The following ALCAM variants were observed in gnomAD, a reference collection of about 807,000 sequenced individuals.
ALCAM encodes the protein CD166 antigen.
In ALCAM, 30 loss-of-function variants were observed where a neutral mutation model predicts 70.9. That is an observed-to-expected ratio of 0.42 (90% confidence interval 0.32 to 0.57). ALCAM has a LOEUF of 0.57. ALCAM is among the 20% of genes least tolerant of loss of function. The probability of loss-of-function intolerance (pLI) is 0.11; values close to 1 mark genes in which losing one functional copy is unlikely to be tolerated. For synonymous variants in ALCAM, 249 were observed against 242.5 expected, an observed-to-expected ratio of 1.03 and a Z score of -0.25; for missense variants, 591 against 695.1, an observed-to-expected ratio of 0.85 and a Z score of 1.68.
intron 1 of ALCAM, among the ~76,000 whole-genome samples, chr3:105,382,174 G>A (rs1188375835): frequency 1.4e-5 from 2 of 146,376 alleles, no homozygotes; most frequent in African/African-American, 5.1e-5. Context: ...CCATCTATGA[G>A]TGAGAACATG....
intron 1 of ALCAM, among the ~76,000 whole-genome samples, chr3:105,390,446 T>G (rs181411838): frequency 6.6e-6 from 1 of 151,928 alleles, no homozygotes; most frequent in Non-Finnish European, 1.5e-5. Flanking sequence ...AATGGGGTTG[T>G]TGGGTTTTTT....
At chr3:105,413,946 T>G (rs1936448603) in intron 1 of ALCAM, among the ~76,000 whole-genome samples, 1 of 152,128 alleles carries the variant, frequency 6.6e-6, no homozygotes, top group African/African-American at 2.4e-5. Context: ...TTTAGCAAAT[T>G]TAATGCCTAC....
intron 1 of ALCAM, among the ~76,000 whole-genome samples, chr3:105,449,748 T>C (rs914831502): frequency 6.6e-6 from 1 of 152,172 alleles, no homozygotes; most frequent in African/African-American, 2.4e-5. Flanking sequence ...CTTTATTAGG[T>C]TAATCAAACC....
At chr3:105,545,142 C>G (rs1039145383) in intron 8 of ALCAM, 81 bp from the exon 9 acceptor site, 3 of 934,150 alleles carry the variant, frequency 3.2e-6, no homozygotes, top group Admixed American at 3.5e-5. Flanking sequence ...AATTTATTTT[C>G]TTTCATCTTT....
At chr3:105,405,520 C>T (rs919070508) in intron 1 of ALCAM, among the ~76,000 whole-genome samples, 15 of 152,192 alleles carry the variant, frequency 9.9e-5, no homozygotes, top group African/African-American at 3.6e-4. Context: ...AACAAAGACA[C>T]AATGGACTTA....
intron 2 of ALCAM, among the ~76,000 whole-genome samples, chr3:105,522,935 C>T (rs1247052092): frequency 2.0e-5 from 3 of 151,938 alleles, no homozygotes; most frequent in Non-Finnish European, 4.4e-5. Context: ...GTCAGGAGAT[C>T]GAGACTATCC....
At position 105,454,653 on chromosome 3, in the gene ALCAM, A is replaced by ATTTTTTTTTTTTTTT. The variant is rs59389132; in HGVS notation, c.74-65394_74-65380dup. On this transcript the variant is annotated intron_variant, in intron 1 of 15. Transcript: ENST00000306107. ...ATTGGCACATAGTAGATGCTCATTA[A>ATTTTTTTTTTTTTTT]TTTTTTTTTTTTTTTTTTTTTTTTT... Among the ~76,000 whole-genome samples the ATTTTTTTTTTTTTTT allele has an allele frequency of 2.6e-4, 16 of 61,790 alleles. 2 individuals carry two copies. The highest frequency in any genetic ancestry group is 6.0e-4 in the East Asian group (1 of 1,668). 40.5% of individuals were successfully genotyped at this position (61,790 alleles called of 152,430 possible). A position where few individuals can be genotyped will look rare whatever the true frequency, so the allele number is the denominator to read the frequency against.
intron 14 of ALCAM, among the ~76,000 whole-genome samples, chr3:105,566,578 A>C (rs1940747725): frequency 6.6e-6 from 1 of 152,044 alleles, no homozygotes; most frequent in African/African-American, 2.4e-5. Flanking sequence ...TAATACCTCT[A>C]CTGGCCTTTT....
intron 2 of ALCAM, among the ~76,000 whole-genome samples, chr3:105,521,996 G>A (rs185632665): frequency 1.2e-4 from 18 of 152,290 alleles, no homozygotes; most frequent in Admixed American, 3.9e-4. Context: ...CAATGCACTT[G>A]TTCAATCAAA....
intron 1 of ALCAM, among the ~76,000 whole-genome samples, chr3:105,371,517 C>CTTTTTTTTTTTTTTTTTTT (rs35522913): frequency 7.0e-6 from 1 of 142,572 alleles, no homozygotes; most frequent in Non-Finnish European, 1.5e-5. Flanking sequence ...AAAGATGTTT[C>CTTTTTTTTTTTTTTTTTTT]TTTTTTTTTT....
chr3:105,491,948 C>T (rs1576198870), intron 1 of ALCAM, among the ~76,000 whole-genome samples: 1 of 152,180 alleles, frequency 6.6e-6, no homozygotes, highest in Non-Finnish European at 1.5e-5. Context: ...CAGCAGCGCC[C>T]CACTACCCGG....
intron 3 of ALCAM, among the ~76,000 whole-genome samples, chr3:105,530,949 C>T (rs997902294): frequency 9.2e-5 from 14 of 151,778 alleles, no homozygotes; most frequent in African/African-American, 3.4e-4. Flanking sequence ...TATACAAAAG[C>T]CAATTTAGTT....
chr3:105,531,212 A>G (rs1004118458), intron 3 of ALCAM: 1 of 152,086 alleles, frequency 6.6e-6, no homozygotes, highest in Non-Finnish European at 1.5e-5. Flanking sequence ...ATCAGTTTAA[A>G]TAATAAATTG....
chr3:105,406,671 C>T (rs985266466), intron 1 of ALCAM, among the ~76,000 whole-genome samples: 1 of 149,924 alleles, frequency 6.7e-6, no homozygotes, highest in Admixed American at 6.6e-5. Context: ...CAAACTCAGC[C>T]GAAGAAAAGA....
At chr3:105,529,795 T>A (rs975412984) in intron 3 of ALCAM, among the ~76,000 whole-genome samples, 3 of 151,950 alleles carry the variant, frequency 2.0e-5, no homozygotes, top group Non-Finnish European at 2.9e-5. Context: ...ATACAAAGTG[T>A]TTATGATTAT....
intron 14 of ALCAM, 114 bp downstream of exon 14, chr3:105,552,699 T>G (rs1576238375): frequency 1.3e-6 from 2 of 1,558,616 alleles, no homozygotes; most frequent in South Asian, 2.4e-5. Context: ...AAGGAAGATG[T>G]ATCCCCAAAT....
intron 1 of ALCAM, among the ~76,000 whole-genome samples, chr3:105,442,673 C>T (rs893392022): frequency 4.0e-5 from 6 of 151,316 alleles, no homozygotes; most frequent in Admixed American, 3.3e-4. Context: ...CCCAGCTACT[C>T]GGGAGGCTGA....
chr3:105,528,311 T>C (rs1004210403), intron 3 of ALCAM, among the ~76,000 whole-genome samples: 2 of 152,186 alleles, frequency 1.3e-5, no homozygotes, highest in African/African-American at 4.8e-5. Context: ...CTAATGTTCA[T>C]AGCTCTTACT....
chr3:105,390,101 C>T (rs1935775762), intron 1 of ALCAM, among the ~76,000 whole-genome samples: 1 of 151,842 alleles, frequency 6.6e-6, no homozygotes, highest in African/African-American at 2.4e-5. Flanking sequence ...GGGTGTATAC[C>T]CAGTAATGGG....
Sources: gnomAD v4.1 joint callset for allele counts (sites outside exome capture counted in the v4.1 genomes callset) on GRCh38, gnomAD v4.1.1 for gene constraint, MANE v1.5 for transcripts, NCBI Gene and HGNC (gene_info 2026-07-23, HGNC 2026-07-21) for gene names.